The following RAB3C variants were observed in gnomAD, a reference collection of about 807,000 sequenced individuals.
RAB3C encodes the protein ras-related protein Rab-3C.
Under a neutral mutation model 26.4 loss-of-function variants are expected in RAB3C, and 17 were observed. That is an observed-to-expected ratio of 0.64 (90% CI 0.44 to 0.97). The LOEUF is 0.97. RAB3C is among the 50% of genes least tolerant of loss of function. The pLI is 0.00. For synonymous variants in RAB3C, 91 were observed against 95.9 expected, an observed-to-expected ratio of 0.95 and a Z score of 0.30; for missense variants, 242 against 281.9, an observed-to-expected ratio of 0.86 and a Z score of 1.01.
At chr5:58,594,317 T>G (rs776629771) in intron 1 of RAB3C, among the ~76,000 whole-genome samples, 3 of 152,204 alleles carry the variant, frequency 2.0e-5, no homozygotes, top group Non-Finnish European at 4.4e-5. Context: ...GAAGATAGTT[T>G]TTCTTTAGAA....
At chr5:58,696,025 T>C (rs796147772) in intron 2 of RAB3C, among the ~76,000 whole-genome samples, 1 of 152,142 alleles carries the variant, frequency 6.6e-6, no homozygotes, top group Non-Finnish European at 1.5e-5. Context: ...ATGCTTCCAG[T>C]TTTTGTCCAT....
At chr5:58,707,925 G>C (rs1370634369) in intron 2 of RAB3C, among the ~76,000 whole-genome samples, 2 of 151,830 alleles carry the variant, frequency 1.3e-5, no homozygotes, top group Admixed American at 1.3e-4. Flanking sequence ...CCCCGCCTGG[G>C]CATGTTCTAC....
At chr5:58,850,420 T>G (rs150154502) in intron 4 of RAB3C, among the ~76,000 whole-genome samples, 1 of 152,348 alleles carries the variant, frequency 6.6e-6, no homozygotes, top group East Asian at 1.9e-4. Context: ...GCTGTTGGAA[T>G]AACACTACTC....
chr5:58,609,471 C>G (rs1746648390), intron 1 of RAB3C, among the ~76,000 whole-genome samples: 1 of 151,748 alleles, frequency 6.6e-6, no homozygotes, highest in South Asian at 2.1e-4. Context: ...AGGGATAGTG[C>G]AAAGATTAGG....
At chr5:58,844,982 T>G (rs1018669684) in intron 4 of RAB3C, among the ~76,000 whole-genome samples, 5 of 152,204 alleles carry the variant, frequency 3.3e-5, no homozygotes, top group Non-Finnish European at 5.9e-5. Flanking sequence ...GAATCAAGTG[T>G]TTCCTGTAAG....
chr5:58,596,072 G>A (rs577783777), intron 1 of RAB3C, among the ~76,000 whole-genome samples: 57 of 152,132 alleles, frequency 3.7e-4, no homozygotes, highest in African/African-American at 1.3e-3. Flanking sequence ...CAATTCTCTT[G>A]TTTGCATGCC....
intron 2 of RAB3C, among the ~76,000 whole-genome samples, chr5:58,649,704 G>A (rs113579452): frequency 1.3e-3 from 202 of 152,142 alleles, no homozygotes; most frequent in Middle Eastern, 6.8e-3. Context: ...CCCTGCTTAC[G>A]ATTTCCCTCT....
intron 3 of RAB3C, among the ~76,000 whole-genome samples, chr5:58,804,427 C>T (rs968482850): frequency 5.9e-5 from 9 of 152,184 alleles, no homozygotes; most frequent in Non-Finnish European, 1.2e-4. Context: ...TTTCTTCCTT[C>T]ACAGGCACAC....
In RAB3C at chr5:58,614,864, CT is replaced by C. The variant is rs1415084927; in HGVS notation, c.25-2772del. ...TTCATGTGTACTGAACATGTATAGA[CT>C]TTTTTTCTTGTTATCATTTCCTAAA... On this transcript the variant is annotated intron_variant, in intron 1 of 4. Transcript: ENST00000282878. Among the ~76,000 whole-genome samples, 4 of 152,174 alleles carry C rather than the reference CT, an allele frequency of 2.6e-5. No homozygotes were observed. In the East Asian group the frequency reaches 7.7e-4, roughly 29 times the overall value.
At chr5:58,733,418 T>G (rs1223700284) in intron 3 of RAB3C, among the ~76,000 whole-genome samples, 3 of 152,190 alleles carry the variant, frequency 2.0e-5, no homozygotes, top group Non-Finnish European at 2.9e-5. Flanking sequence ...GACTTGTCCA[T>G]GTGGTAAAAA....
intron 3 of RAB3C, among the ~76,000 whole-genome samples, chr5:58,798,435 TCAA>T (rs1161206283): frequency 6.6e-6 from 1 of 152,108 alleles, no homozygotes; most frequent in Admixed American, 6.6e-5. Flanking sequence ...TGGGAAGTGC[TCAA>T]CATCATCATA....
At chr5:58,650,249 T>C (rs1747615486) in intron 2 of RAB3C, among the ~76,000 whole-genome samples, 1 of 152,160 alleles carries the variant, frequency 6.6e-6, no homozygotes, top group African/African-American at 2.4e-5. Flanking sequence ...AACTCTGGTC[T>C]CCATTCAAAT....
In RAB3C at chr5:58,851,400, C is replaced by A; in HGVS notation, c.*49C>A. 1 of 1,457,654 alleles carries A rather than the reference C, an allele frequency of 6.9e-7. No homozygotes were observed. The highest frequency in any genetic ancestry group is 9.2e-7 in the Non-Finnish European group (1 of 1,081,542). The allele number at this position is 1,457,654 out of a possible 1,614,324, so 90.3% of individuals were successfully genotyped here. On this transcript the variant is annotated 3_prime_UTR_variant, in exon 5 of 5. Transcript: ENST00000282878. Reference sequence around the variant, plus strand: ...CCAGGGGGCTCTGGTTGCCAACAAACAGCATTTGTAAATGGTCTATTAGCC... The same window carrying A: ...CCAGGGGGCTCTGGTTGCCAACAAAAAGCATTTGTAAATGGTCTATTAGCC...
intron 2 of RAB3C, among the ~76,000 whole-genome samples, chr5:58,624,663 CAT>C (rs902003004): frequency 1.3e-5 from 2 of 152,128 alleles, no homozygotes; most frequent in African/African-American, 4.8e-5. Flanking sequence ...CTGACAGACA[CAT>C]GTGGGAGATG....
intron 4 of RAB3C, among the ~76,000 whole-genome samples, chr5:58,830,376 T>C (rs1384020099): frequency 6.6e-6 from 1 of 152,072 alleles, no homozygotes; most frequent in Non-Finnish European, 1.5e-5. Context: ...CCATGGCTAA[T>C]GGGGGGAGTT....
intron 3 of RAB3C, among the ~76,000 whole-genome samples, chr5:58,783,064 G>A (rs1317191612): frequency 3.0e-4 from 46 of 151,784 alleles, no homozygotes; most frequent in Non-Finnish European, 1.5e-5. Flanking sequence ...TTTTGCTTTG[G>A]ATATATTTTT....
chr5:58,620,773 C>A (rs1424358222), intron 2 of RAB3C, among the ~76,000 whole-genome samples: 9 of 152,128 alleles, frequency 5.9e-5, no homozygotes, highest in African/African-American at 2.2e-4. Flanking sequence ...GTCTTCTTGA[C>A]TAATGTGGTG....
intron 4 of RAB3C, among the ~76,000 whole-genome samples, chr5:58,845,599 T>TAG (rs1743973653): frequency 9.5e-6 from 1 of 104,730 alleles, no homozygotes; most frequent in African/African-American, 4.2e-5. Flanking sequence ...TCTTACTATA[T>TAG]ATATATATAT....
chr5:58,678,548 A>G (rs1215155238), intron 2 of RAB3C, among the ~76,000 whole-genome samples: 1 of 152,156 alleles, frequency 6.6e-6, no homozygotes, highest in East Asian at 1.9e-4. Flanking sequence ...AAAACACTAT[A>G]TATTGTTTAT....
Sources: allele counts gnomAD v4.1 joint callset (sites outside exome capture counted in the v4.1 genomes callset), GRCh38; gene constraint gnomAD v4.1.1; transcripts MANE v1.5; gene names NCBI Gene and HGNC (gene_info 2026-07-23, HGNC 2026-07-21).